ANKRD28: variants seen among roughly 807,000 people sequenced by gnomAD.
ANKRD28 encodes the protein serine/threonine-protein phosphatase 6 regulatory ankyrin repeat subunit A.
Under a neutral mutation model 126.5 loss-of-function variants are expected in ANKRD28, and 44 were observed. The ratio of observed to expected loss-of-function variants is 0.35; its 90% CI spans 0.27 to 0.45. The LOEUF (loss-of-function observed/expected upper bound fraction) is 0.45, where lower values mean the gene tolerates loss of function less well. Among genes scored for constraint, ANKRD28 ranks in the 20% least tolerant of loss-of-function variants. The pLI, the probability that ANKRD28 is intolerant of heterozygous loss-of-function variation, is 1.00. For synonymous variants in ANKRD28, 442 were observed against 468.5 expected (o/e 0.94, Z 0.73); for missense variants, 1,110 against 1,316.6 (o/e 0.84, Z 2.43).
At chr3:15,723,758 C>A (rs752029308) in intron 7 of ANKRD28, among the ~76,000 whole-genome samples, 7 of 151,900 alleles carry the variant, frequency 4.6e-5, no homozygotes, top group Non-Finnish European at 7.4e-5. Flanking sequence ...GAGACAGAGA[C>A]CCTGTTTAAA....
chr3:15,670,297 G>A lies in ANKRD28; in HGVS notation c.3225C>T (p.Leu1075=). Residue 1075 remains leucine (L), a synonymous_variant, in exon 28 of 28, where the codon CTC becomes CTT. Transcript: ENST00000683139. ...AGTAGGTCTCAGAATCGGAGTCGTT[G>A]AGCTCATCCACGTCAGTGTATAAGT... ...QEYLYTDVDE[L]NDSDSETY is the part of the protein sequence containing the mutation. 1 of 1,613,700 alleles carries A rather than the reference G, an allele frequency of 6.2e-7. No individual in the cohort carries two copies. Among genetic ancestry groups the A allele is most frequent in the Non-Finnish European group, 8.5e-7 (1 of 1,179,652 alleles).
chr3:15,698,088 T>G (rs1478698232), intron 14 of ANKRD28, among the ~76,000 whole-genome samples: 4 of 152,134 alleles, frequency 2.6e-5, no homozygotes, highest in Admixed American at 2.6e-4. Flanking sequence ...ATTCCCTTTA[T>G]GTGTCTATTT....
Position 15,678,327 on chromosome 3 carries a change from T to C in ANKRD28, c.2589A>G (p.Thr863=), listed in dbSNP as rs2067171841. The change falls in exon 24 of 28, where the codon ACA becomes ACG. Residue 863 remains threonine (T), a synonymous_variant. Transcript: ENST00000683139. ...GCAGCTGTAAACACTCTACATGGTC[T>C]GTGAAGGCGGCTGCATGGAGAGGAG... The part of the protein sequence containing the change: ...GRTPLHAAAF[T]DHVECLQLLL... 2 of 1,608,222 alleles carry C rather than the reference T, an allele frequency of 1.2e-6. No individual in the cohort carries two copies. The highest frequency in any genetic ancestry group is 1.7e-6 in the Non-Finnish European group (2 of 1,177,640).
chr3:15,831,046 C>A (rs752363191), intron 1 of ANKRD28, among the ~76,000 whole-genome samples: 2 of 152,186 alleles, frequency 1.3e-5, no homozygotes, highest in Non-Finnish European at 2.9e-5. Context: ...TGGAAGTTCA[C>A]GCCTGAAACT....
In ANKRD28 at chr3:15,843,503, T is replaced by A. The variant is rs945369139; in HGVS notation, c.27+15874A>T. On this transcript the variant is annotated intron_variant, in intron 1 of 27. Transcript: ENST00000399451. The surrounding 1 kb of genome is among the most constrained non-coding windows in gnomAD (Gnocchi z 5.2). ...GGCAGGAGGAGAAGTACAAAAAAAA[T>A]GAAAAATAAGAGATAAACAATACAC... Among the ~76,000 whole-genome samples, 1 of 149,536 alleles carries A rather than the reference T, an allele frequency of 6.7e-6. No homozygotes were observed. The highest frequency in any genetic ancestry group is 2.0e-4 in the East Asian group (1 of 5,066).
chr3:15,777,271 C>CAAA (rs148444429), intron 2 of ANKRD28, among the ~76,000 whole-genome samples: 1 of 111,644 alleles, frequency 9.0e-6, no homozygotes, highest in African/African-American at 3.4e-5. Flanking sequence ...GACTCCGTCT[C>CAAA]AAAAAAAAAA....
Position 15,812,415 on chromosome 3 carries a change from T to TA in ANKRD28, c.28-17110dup, listed in dbSNP as rs1203795928. Among the ~76,000 whole-genome samples the TA allele has an allele frequency of 2.6e-5, 4 of 152,332 alleles. No individual in the cohort carries two copies. The East Asian group carries it at 7.7e-4, about 29-fold the overall frequency. On this transcript the variant is annotated intron_variant, in intron 1 of 27. Coordinates refer to the ANKRD28 transcript ENST00000399451. This position sits in a 1 kb window ranked among gnomAD's most constrained non-coding sequence, Gnocchi z 4.1. The stretch of plus-strand genomic sequence containing the variant: ...CCATCCAGTGGTAAAAGATGATAAT[T>TA]ACAATTTATACAGTTATTAAAAGCA...
chr3:15,771,785 T>C (rs1046903323), intron 2 of ANKRD28, among the ~76,000 whole-genome samples: 4 of 152,172 alleles, frequency 2.6e-5, no homozygotes, highest in African/African-American at 9.7e-5. Flanking sequence ...AGATAAACCA[T>C]ATTCTGAGCC....
intron 12 of ANKRD28, among the ~76,000 whole-genome samples, chr3:15,710,677 G>A (rs2126055514): frequency 6.6e-6 from 1 of 152,244 alleles, no homozygotes; most frequent in Middle Eastern, 3.4e-3. Flanking sequence ...TGTTCCAGAG[G>A]CCATGAGTTT....
At position 15,712,133 on chromosome 3, in the gene ANKRD28, C is replaced by T. The variant is rs776916098; in HGVS notation, c.1273+7G>A. On this transcript the variant is annotated splice_region_variant and intron_variant, in intron 11 of 27. Transcript: ENST00000683139. ...GACATACAAAAGGCTGCAAAGGTTACACTTACCTGAAGAAAGAAGTTTTCT... is the reference window on the plus strand; with the variant it reads ...GACATACAAAAGGCTGCAAAGGTTATACTTACCTGAAGAAAGAAGTTTTCT... The T allele has an allele frequency of 1.9e-5, 30 of 1,564,268 alleles. No homozygotes were observed. Among genetic ancestry groups the T allele is most frequent in the African/African-American group, 4.1e-5 (3 of 73,738 alleles).
At chr3:15,713,827 T>C (rs776716921) in intron 9 of ANKRD28, among the ~76,000 whole-genome samples, 186 bp from the exon 10 acceptor site, 1 of 152,228 alleles carries the variant, frequency 6.6e-6, no homozygotes, top group South Asian at 2.1e-4. Context: ...CTTAAAGCAA[T>C]TGTGTGAATT....
chr3:15,690,346 C>T, intron 17 of ANKRD28, 126 bp from the exon 18 acceptor site: 1 of 767,230 alleles, frequency 1.3e-6, no homozygotes, highest in Non-Finnish European at 2.0e-6. Context: ...ATCCAAACTT[C>T]TACATCGAGA....
chr3:15,856,266 A>G (rs1024405438), intron 1 of ANKRD28, among the ~76,000 whole-genome samples: 1 of 152,176 alleles, frequency 6.6e-6, no homozygotes, highest in Admixed American at 6.5e-5. Context: ...AGCCACTAAC[A>G]TACTTGTTGT....
chr3:15,859,486 C>T, exon 1 of ANKRD28: 1 of 1,322,898 alleles, frequency 7.6e-7, no homozygotes, highest in South Asian at 1.3e-5. Context: ...TGCTCCCGCC[C>T]CAGTAGCCTT....
At chr3:15,855,913 G>A (rs746772915) in intron 1 of ANKRD28, among the ~76,000 whole-genome samples, 6 of 152,152 alleles carry the variant, frequency 3.9e-5, no homozygotes, top group Non-Finnish European at 8.8e-5. Context: ...CCTTTAAGAG[G>A]GTGAACTTTA....
At chr3:15,844,951 C>T (rs2061499416) in intron 1 of ANKRD28, among the ~76,000 whole-genome samples, 1 of 152,090 alleles carries the variant, frequency 6.6e-6, no homozygotes, top group Non-Finnish European at 1.5e-5. Context: ...CTGGGGAAGC[C>T]TCAGGAAACT....
intron 24 of ANKRD28, 47 bp downstream of exon 24, chr3:15,678,162 G>C (rs2067152197): frequency 6.5e-7 from 1 of 1,535,470 alleles, no homozygotes; most frequent in Non-Finnish European, 8.8e-7. Flanking sequence ...TTATACATAA[G>C]TGATACACAT....
intron 21 of ANKRD28, among the ~76,000 whole-genome samples, chr3:15,682,204 GATTA>G (rs2067621061): frequency 6.6e-6 from 1 of 152,058 alleles, no homozygotes; most frequent in Non-Finnish European, 1.5e-5. Context: ...CATAAAAAAA[GATTA>G]TTTATGTTAA....
At chr3:15,679,179 A>T in intron 23 of ANKRD28, 122 bp downstream of exon 23, 1 of 848,226 alleles carries the variant, frequency 1.2e-6, no homozygotes, top group Non-Finnish European at 1.9e-6. Flanking sequence ...TATGTTGACC[A>T]GGCTGGTCTT....
Sources: gnomAD v4.1 joint callset for allele counts (sites outside exome capture counted in the v4.1 genomes callset) on GRCh38, gnomAD v4.1.1 for gene constraint, Gnocchi (gnomAD v3.1) non-coding constraint, MANE v1.5 for transcripts, NCBI Gene and HGNC (gene_info 2026-07-23, HGNC 2026-07-21) for gene names.